The following MDGA2 variants were observed in gnomAD, a reference collection of about 807,000 sequenced individuals.
The protein encoded by MDGA2 is MAM domain containing glycosylphosphatidylinositol anchor 2, also known as MAM domain-containing glycosylphosphatidylinositol anchor protein 2.
In MDGA2, 40 loss-of-function variants were observed where a neutral mutation model predicts 117.8. That is an observed-to-expected ratio of 0.34 (90% CI 0.26 to 0.44). MDGA2 has a LOEUF of 0.44. Among genes scored for constraint, MDGA2 ranks in the 20% least tolerant of loss-of-function variants. MDGA2 has a pLI of 1.00. For synonymous variants in MDGA2, 452 were observed against 439.0 expected (o/e 1.03, Z -0.37); for missense variants, 1,123 against 1,250.6 (o/e 0.90, Z 1.54).
At chr14:47,262,999 C>T (rs1201816282) in intron 2 of MDGA2, among the ~76,000 whole-genome samples, 1 of 152,042 alleles carries the variant, frequency 6.6e-6, no homozygotes, top group Non-Finnish European at 1.5e-5. Context: ...ATGAGTCAGC[C>T]TCCCAAGTTC....
intron 9 of MDGA2, among the ~76,000 whole-genome samples, chr14:46,929,466 CTT>C (rs1884450716): frequency 6.7e-6 from 1 of 150,350 alleles, no homozygotes; most frequent in Non-Finnish European, 1.5e-5. Context: ...TGCTTGGAAA[CTT>C]TGCTAATTAT....
At chr14:47,193,019 G>A (rs1013574204) in intron 3 of MDGA2, among the ~76,000 whole-genome samples, 1 of 152,120 alleles carries the variant, frequency 6.6e-6, no homozygotes, top group Non-Finnish European at 1.5e-5. Context: ...GAATATCATT[G>A]TATTTTTTAA....
intron 3 of MDGA2, among the ~76,000 whole-genome samples, chr14:47,148,477 G>A (rs1026468378): frequency 6.6e-6 from 1 of 152,100 alleles, no homozygotes. Context: ...TCTCTAAAAG[G>A]CCATTCTATC....
At chr14:47,163,655 T>C (rs191440415) in intron 3 of MDGA2, among the ~76,000 whole-genome samples, 3 of 152,314 alleles carry the variant, frequency 2.0e-5, no homozygotes, top group Admixed American at 6.5e-5. Flanking sequence ...CTGGTATATC[T>C]TTATCAGCAG....
intron 1 of MDGA2, among the ~76,000 whole-genome samples, chr14:47,328,597 G>C (rs1469003764): frequency 6.6e-6 from 1 of 152,110 alleles, no homozygotes; most frequent in South Asian, 2.1e-4. Context: ...GTGTGAATTC[G>C]TAAGTCTGTC....
intron 3 of MDGA2, among the ~76,000 whole-genome samples, chr14:47,162,033 C>A (rs1156752829): frequency 1.4e-5 from 2 of 138,052 alleles, no homozygotes; most frequent in Non-Finnish European, 3.0e-5. Flanking sequence ...GCAACCTCCA[C>A]CTCCCGGATT....
chr14:46,873,864 G>A, intron 13 of MDGA2, 181 bp downstream of exon 13: 1 of 577,066 alleles, frequency 1.7e-6, no homozygotes, highest in Non-Finnish European at 2.7e-6. Flanking sequence ...ATGTATCAGT[G>A]AAGTCTGAGA....
At chr14:47,172,865 A>T (rs1383118710) in intron 3 of MDGA2, among the ~76,000 whole-genome samples, 1 of 152,206 alleles carries the variant, frequency 6.6e-6, no homozygotes, top group Non-Finnish European at 1.5e-5. Context: ...TACAGGAGGA[A>T]ATTCAAACCA....
At chr14:47,562,999 C>A (rs1373070679) in intron 1 of MDGA2, among the ~76,000 whole-genome samples, 1 of 152,108 alleles carries the variant, frequency 6.6e-6, no homozygotes, top group Non-Finnish European at 1.5e-5. Context: ...ACTCAAAAGT[C>A]ATTCAGGAGC....
At chr14:46,998,390 G>A (rs754272086) in intron 8 of MDGA2, among the ~76,000 whole-genome samples, 47 of 152,170 alleles carry the variant, frequency 3.1e-4, no homozygotes, top group Non-Finnish European at 5.4e-4. Flanking sequence ...GAAACCTAGG[G>A]TTATATAAAC....
intron 2 of MDGA2, among the ~76,000 whole-genome samples, chr14:47,295,967 TA>T (rs1889057541): frequency 5.3e-5 from 8 of 151,480 alleles, no homozygotes; most frequent in Non-Finnish European, 7.4e-5. Flanking sequence ...GATAGATAGA[TA>T]GATAGATAGA....
At chr14:46,988,390 A>C (rs1320418470) in intron 8 of MDGA2, among the ~76,000 whole-genome samples, 1 of 152,106 alleles carries the variant, frequency 6.6e-6, no homozygotes, top group Admixed American at 6.6e-5. Context: ...GTTGCCATAA[A>C]GTTTAATTTG....
At chr14:47,579,625 A>C (rs1403263712) in intron 1 of MDGA2, among the ~76,000 whole-genome samples, 4 of 152,094 alleles carry the variant, frequency 2.6e-5, no homozygotes, top group Non-Finnish European at 4.4e-5. Context: ...CAATGGACTG[A>C]TATGATAATT....
At chr14:47,167,368 T>TA (rs1344587538) in intron 3 of MDGA2, among the ~76,000 whole-genome samples, 1 of 152,190 alleles carries the variant, frequency 6.6e-6, no homozygotes, top group African/African-American at 2.4e-5. Flanking sequence ...TTAACCTCTC[T>TA]GTGTACTCAT....
intron 1 of MDGA2, among the ~76,000 whole-genome samples, chr14:47,510,679 G>A (rs1033374893): frequency 3.9e-5 from 6 of 152,214 alleles, no homozygotes; most frequent in African/African-American, 1.4e-4. Context: ...TAAATGGGAA[G>A]CCTTCCAGTG....
At chr14:46,846,306 C>A (rs1880836380) in intron 15 of MDGA2, among the ~76,000 whole-genome samples, 2 of 152,074 alleles carry the variant, frequency 1.3e-5, no homozygotes, top group South Asian at 4.1e-4. Flanking sequence ...TTCTTTACAA[C>A]AGTAATATGT....
intron 2 of MDGA2, among the ~76,000 whole-genome samples, chr14:47,274,121 A>G (rs546996645): frequency 7.2e-5 from 11 of 152,162 alleles, no homozygotes; most frequent in African/African-American, 2.6e-4. Context: ...TCAGTGTTTA[A>G]TATATTCACG....
intron 10 of MDGA2, among the ~76,000 whole-genome samples, chr14:46,899,305 C>T (rs1883196569): frequency 6.6e-6 from 1 of 151,888 alleles, no homozygotes; most frequent in Non-Finnish European, 1.5e-5. Flanking sequence ...CTTTTCAAAG[C>T]AGAATTACAA....
Position 47,357,289 on chromosome 14 carries a change from C to G in MDGA2, c.281-55739G>C, listed in dbSNP as rs556419074. ...GTCAGACACCAGACTTGCTGTAGGG[C>G]TGGCTGCCCCTTGGGGGGTTTGCAT... is the stretch of plus-strand genomic sequence containing the variant. On this transcript the variant is annotated intron_variant, in intron 1 of 16. Coordinates refer to ENST00000399232, the MANE Select transcript of MDGA2 (RefSeq NM_001113498.3). Among the ~76,000 whole-genome samples the G allele has an allele frequency of 6.6e-5, 10 of 152,346 alleles. No individual in the cohort carries two copies. In the East Asian group the frequency reaches 1.7e-3, roughly 26 times the overall value.
Sources: allele counts gnomAD v4.1 joint callset (sites outside exome capture counted in the v4.1 genomes callset), GRCh38; gene constraint gnomAD v4.1.1; transcripts MANE v1.5; gene names NCBI Gene and HGNC (gene_info 2026-07-23, HGNC 2026-07-21).